The following RASGRF1 variants were observed in gnomAD, a reference collection of about 807,000 sequenced individuals.
The protein encoded by RASGRF1 is ras-specific guanine nucleotide-releasing factor 1.
RASGRF1 carries 40 observed loss-of-function variants against 138.7 expected under a neutral mutation model. The observed-to-expected ratio is 0.29, with a 90% CI of 0.22 to 0.38. The LOEUF is 0.38. Among genes scored for constraint, RASGRF1 ranks in the 10% least tolerant of loss-of-function variants. The pLI is 1.00. For missense variants in RASGRF1, 1,108 were observed against 1,650.4 expected (o/e 0.67, Z 5.69); for synonymous variants, 614 against 663.2 (o/e 0.93, Z 1.14).
intron 1 of RASGRF1, among the ~76,000 whole-genome samples, chr15:79,081,083 G>C (rs1364975485): frequency 6.6e-6 from 1 of 152,212 alleles, no homozygotes; most frequent in African/African-American, 2.4e-5. Flanking sequence ...TATCTGAGTG[G>C]GTGGCTGACT....
intron 19 of RASGRF1, 152 bp from the exon 20 acceptor site, chr15:78,995,952 C>T: frequency 1.4e-6 from 1 of 739,582 alleles, no homozygotes; most frequent in Non-Finnish European, 2.3e-6. Context: ...CTCCTTCACT[C>T]TTCTTCCTGA....
At chr15:79,041,994 C>A (rs1013707944) in intron 5 of RASGRF1, among the ~76,000 whole-genome samples, 3 of 152,234 alleles carry the variant, frequency 2.0e-5, no homozygotes, top group Admixed American at 1.3e-4. Flanking sequence ...TGCCTCTTGT[C>A]ATGGGCAACA....
chr15:79,032,051 C>G lies in RASGRF1; in HGVS notation c.1152+72G>C. 6.6e-7 allele frequency: 1 copy of G among 1,514,312 alleles called. No homozygotes were observed. The highest frequency in any genetic ancestry group is 1.3e-5 in the South Asian group (1 of 77,874). The allele number at this position is 1,514,312 out of a possible 1,614,324, so 93.8% of individuals were successfully genotyped here. A position where few individuals can be genotyped will look rare whatever the true frequency, so the allele number is the denominator to read the frequency against. On this transcript the variant is annotated intron_variant, in intron 7 of 26. Coordinates refer to ENST00000558480, the MANE Select transcript of RASGRF1 (RefSeq NM_001145648.3). The surrounding 1 kb of genome is among the most constrained non-coding windows in gnomAD (Gnocchi z 4.5). ...AGCTGGGGTGCGTTAAGCACTGTGCCCCCACCGCCATGGTCCATCCCCCAC... is the reference window on the plus strand; with the variant it reads ...AGCTGGGGTGCGTTAAGCACTGTGCGCCCACCGCCATGGTCCATCCCCCAC...
At chr15:78,977,727 C>A (rs1399576416) in intron 24 of RASGRF1, among the ~76,000 whole-genome samples, 1 of 152,226 alleles carries the variant, frequency 6.6e-6, no homozygotes, top group African/African-American at 2.4e-5. Flanking sequence ...CAGCAGCCTA[C>A]AATAACAGCC....
At chr15:78,995,618 G>T (rs2056375104) in intron 20 of RASGRF1, 122 bp downstream of exon 20, 3 of 1,202,180 alleles carry the variant, frequency 2.5e-6, no homozygotes, top group South Asian at 2.5e-5. Context: ...CGCCCAGTTT[G>T]TGGTATTTTT....
intron 16 of RASGRF1, among the ~76,000 whole-genome samples, chr15:79,000,303 C>A (rs1265572351): frequency 1.3e-5 from 2 of 152,214 alleles, no homozygotes; most frequent in East Asian, 3.8e-4. Context: ...CATAACCTGT[C>A]CAATGTCTGA....
chr15:79,067,202 C>A (rs1236024408), intron 1 of RASGRF1, among the ~76,000 whole-genome samples: 3 of 152,156 alleles, frequency 2.0e-5, no homozygotes, highest in African/African-American at 4.8e-5. Context: ...AACAGCCAGG[C>A]TCCAGGGGCC....
intron 1 of RASGRF1, among the ~76,000 whole-genome samples, chr15:79,067,698 T>A (rs2057698268): frequency 6.6e-6 from 1 of 152,222 alleles, no homozygotes; most frequent in African/African-American, 2.4e-5. Flanking sequence ...AGTTTCTGAA[T>A]CAGCACAAAT....
intron 5 of RASGRF1, among the ~76,000 whole-genome samples, chr15:79,041,517 A>T (rs143277587): frequency 4.6e-5 from 7 of 152,244 alleles, no homozygotes; most frequent in Non-Finnish European, 1.0e-4. Flanking sequence ...ACATAAGCCA[A>T]TGGCAGCAAG....
At chr15:79,072,605 T>C (rs191752870) in intron 1 of RASGRF1, among the ~76,000 whole-genome samples, 8 of 152,120 alleles carry the variant, frequency 5.3e-5, no homozygotes, top group Non-Finnish European at 1.0e-4. Context: ...ATTTCTTCCA[T>C]GGAAAAACAA....
intron 3 of RASGRF1, 68 bp from the exon 4 acceptor site, chr15:79,049,656 T>A: frequency 7.1e-7 from 1 of 1,409,268 alleles, no homozygotes. Context: ...CTTTGGCCGG[T>A]GGGTGGCAGG....
intron 15 of RASGRF1, among the ~76,000 whole-genome samples, 170 bp from the exon 16 acceptor site, chr15:79,001,957 C>T (rs1239514850): frequency 6.6e-6 from 1 of 152,166 alleles, no homozygotes; most frequent in Admixed American, 6.5e-5. Context: ...CTCATCAGAA[C>T]CTTTCTCTTG....
Position 79,032,956 on chromosome 15 carries a change from C to T in RASGRF1, c.959-640G>A, listed in dbSNP as rs1235188840. 6.6e-6 allele frequency among the ~76,000 whole-genome samples: 1 copy of T among 152,210 alleles called. No homozygotes were observed. Among genetic ancestry groups the T allele is most frequent in the African/African-American group, 2.4e-5 (1 of 41,452 alleles). On this transcript the variant is annotated intron_variant, in intron 6 of 26. Coordinates refer to ENST00000558480, the MANE Select transcript of RASGRF1 (RefSeq NM_001145648.3). The surrounding 1 kb of genome is among the most constrained non-coding windows in gnomAD (Gnocchi z 4.5). ...TATCTGAGGTCACAGGGCAAGTCAG[C>T]AGCCGGCCTGGGGCTGGGTCTCCTG...
intron 8 of RASGRF1, among the ~76,000 whole-genome samples, chr15:79,030,758 A>G (rs564976870): frequency 6.6e-6 from 1 of 152,306 alleles, no homozygotes; most frequent in Non-Finnish European, 1.5e-5. Context: ...TTCCACCTTC[A>G]AAATGCATCC....
chr15:78,999,762 C>A lies in RASGRF1; in HGVS notation c.2727G>T (p.Arg909Ser), dbSNP rs773516016. 6.2e-7 allele frequency: 1 copy of A among 1,613,942 alleles called. No individual in the cohort carries two copies. The highest frequency in any genetic ancestry group is 1.7e-5 in the Admixed American group (1 of 60,020). The change falls in exon 17 of 27, where the codon AGG becomes AGT. Residue 909 changes from arginine to serine, a missense_variant. By Grantham distance (110) the Arg-to-Ser change is moderately radical. Around this residue, in one of 3 missense-constraint regions of RASGRF1, gnomAD observed 686 missense variants for 976.7 expected, o/e 0.70. Coordinates refer to ENST00000558480, the MANE Select transcript of RASGRF1 (RefSeq NM_001145648.3). ...ACATACCTGCACTGGCTAAGGACAT[C>A]CTCCGGTACTTCTCCTTGTTTGGGG... ...EGTPNKEKYR[R>S]MSLASAGFPP...
intron 5 of RASGRF1, among the ~76,000 whole-genome samples, chr15:79,040,424 T>C (rs1421100822): frequency 6.6e-6 from 1 of 152,214 alleles, no homozygotes; most frequent in Non-Finnish European, 1.5e-5. Context: ...AAAAATTGAA[T>C]CTAATCAGGG....
intron 1 of RASGRF1, among the ~76,000 whole-genome samples, chr15:79,072,077 A>G (rs1360075493): frequency 6.6e-6 from 1 of 152,006 alleles, no homozygotes; most frequent in Non-Finnish European, 1.5e-5. Flanking sequence ...GGGAGGAAGG[A>G]GGAGTCACAG....
At position 79,087,714 on chromosome 15, in the gene RASGRF1, C is replaced by T. The variant is rs148707352; in HGVS notation, c.276+2509G>A. Among the ~76,000 whole-genome samples the T allele has an allele frequency of 8.5e-3, 1,298 of 152,310 alleles. 24 individuals are homozygous for T. The highest frequency in any genetic ancestry group is 0.03 in the African/African-American group (1,256 of 41,542). ...AACATGGAGCAGCTGCTGGCACCAT[C>T]GATTTTACTCAAAGATTGAGAAAAG... On this transcript the variant is annotated intron_variant, in intron 1 of 26. Transcript: ENST00000558480.
intron 1 of RASGRF1, among the ~76,000 whole-genome samples, chr15:79,086,575 A>G (rs1368838492): frequency 7.4e-6 from 1 of 134,582 alleles, no homozygotes. Context: ...AGGTTCTAAG[A>G]CCCCCCCCCC....
Sources: gnomAD v4.1 joint callset for allele counts (sites outside exome capture counted in the v4.1 genomes callset) on GRCh38, gnomAD v4.1.1 for gene constraint, gnomAD v4.1.1 regional missense constraint, Gnocchi (gnomAD v3.1) non-coding constraint, MANE v1.5 for transcripts, NCBI Gene and HGNC (gene_info 2026-07-23, HGNC 2026-07-21) for gene names.